The following MTBP variants were observed in gnomAD, a reference collection of about 807,000 sequenced individuals.
MTBP encodes the protein MDM2 binding protein, also known as mdm2-binding protein.
Under a neutral mutation model 117.0 loss-of-function variants are expected in MTBP, and 101 were observed. The ratio of observed to expected loss-of-function variants is 0.86; its 90% confidence interval spans 0.73 to 1.02. The LOEUF (loss-of-function observed/expected upper bound fraction) is 1.02, where lower values mean the gene tolerates loss of function less well. MTBP is among the 50% of genes least tolerant of loss of function. The probability of loss-of-function intolerance (pLI) is 0.00; values close to 1 mark genes in which losing one functional copy is unlikely to be tolerated. For synonymous variants in MTBP, 350 were observed against 351.5 expected, an observed-to-expected ratio of 1.00 and a Z score of 0.05; for missense variants, 970 against 1,030.9, an observed-to-expected ratio of 0.94 and a Z score of 0.81.
chr8:120,519,985 A>G (rs1814987239), intron 20 of MTBP, among the ~76,000 whole-genome samples: 1 of 152,132 alleles, frequency 6.6e-6, no homozygotes, highest in Non-Finnish European at 1.5e-5. Context: ...TGCAGTGGAA[A>G]AGCTAACTGG....
Position 120,523,324 on chromosome 8 carries a change from A to G in MTBP, c.2703A>G (p.Thr901=), listed in dbSNP as rs757432346. The G allele has an allele frequency of 2.1e-5, 32 of 1,553,650 alleles. No individual in the cohort carries two copies. Among genetic ancestry groups the G allele is most frequent in the Non-Finnish European group, 2.7e-5 (31 of 1,141,888 alleles). Residue 901 remains threonine (T), a synonymous_variant, in exon 22 of 22, where the codon ACA becomes ACG. Transcript: ENST00000305949. The part of the protein sequence containing the change: ...VQVIDWVLEK[T]SKK ...TGATTGACTGGGTATTAGAAAAGACAAGCAAGAAATGATACATAATCATTC... is the reference window on the plus strand; with the variant it reads ...TGATTGACTGGGTATTAGAAAAGACGAGCAAGAAATGATACATAATCATTC...
intron 10 of MTBP, among the ~76,000 whole-genome samples, chr8:120,468,100 C>T (rs930556103): frequency 1.3e-5 from 2 of 151,564 alleles, no homozygotes; most frequent in Middle Eastern, 3.2e-3. Flanking sequence ...GATTTAGTGT[C>T]GAGAAAATTA....
At position 120,461,160 on chromosome 8, in the gene MTBP, G is replaced by T. The variant is rs143183029; in HGVS notation, c.883-1G>T. 6.4e-7 allele frequency: 1 copy of T among 1,564,210 alleles called. No homozygotes were observed. Among genetic ancestry groups the T allele is most frequent in the Non-Finnish European group, 8.8e-7 (1 of 1,137,474 alleles). ...TTACACAATTTTAATTTCTTTTCTAGGTTTTCCATTATTATGGCCCTGCTT... is the reference window on the plus strand; with the variant it reads ...TTACACAATTTTAATTTCTTTTCTATGTTTTCCATTATTATGGCCCTGCTT... On this transcript the variant is annotated splice_acceptor_variant, in intron 8 of 21. Transcript: ENST00000305949. LOFTEE classifies it high-confidence loss of function.
chr8:120,465,987 T>G (rs1813680317), intron 10 of MTBP, among the ~76,000 whole-genome samples: 1 of 152,154 alleles, frequency 6.6e-6, no homozygotes, highest in Admixed American at 6.5e-5. Flanking sequence ...TTGTTTTGTT[T>G]TAAATTTGTT....
chr8:120,516,235 T>A (rs753556947), intron 18 of MTBP, 44 bp downstream of exon 18: 8 of 1,444,610 alleles, frequency 5.5e-6, no homozygotes, highest in Non-Finnish European at 7.5e-6. Context: ...ACAGAAAGTA[T>A]TTTAGTCTCG....
chr8:120,515,418 A>G (rs1280952815), intron 17 of MTBP, among the ~76,000 whole-genome samples: 1 of 152,028 alleles, frequency 6.6e-6, no homozygotes, highest in Non-Finnish European at 1.5e-5. Context: ...AAATCTGTCA[A>G]TTAGTTAATA....
At chr8:120,446,542 G>A (rs1334468198) in intron 2 of MTBP, 29 bp downstream of exon 2, 7 of 1,271,200 alleles carry the variant, frequency 5.5e-6, no homozygotes, top group Non-Finnish European at 8.1e-6. Context: ...TCTTTTCTCT[G>A]GCACAGCATT....
At chr8:120,469,924 A>G (rs746058684) in intron 10 of MTBP, among the ~76,000 whole-genome samples, 18 of 152,224 alleles carry the variant, frequency 1.2e-4, no homozygotes, top group Non-Finnish European at 2.5e-4. Flanking sequence ...ACATTAAAAT[A>G]TTAGTGATCA....
chr8:120,464,043 A>G (rs1193118310), intron 10 of MTBP, among the ~76,000 whole-genome samples: 1 of 152,072 alleles, frequency 6.6e-6, no homozygotes, highest in Non-Finnish European at 1.5e-5. Context: ...TTAAAATTTT[A>G]TAACATGTTA....
intron 16 of MTBP, among the ~76,000 whole-genome samples, chr8:120,509,101 T>C (rs1162426789): frequency 6.6e-6 from 1 of 152,202 alleles, no homozygotes; most frequent in Admixed American, 6.5e-5. Flanking sequence ...CCCTCTGATA[T>C]TTAAAAAGTT....
intron 11 of MTBP, among the ~76,000 whole-genome samples, chr8:120,480,669 T>C (rs1179510593): frequency 6.6e-6 from 1 of 152,098 alleles, no homozygotes; most frequent in South Asian, 2.1e-4. Context: ...GAATTGGATA[T>C]GCATATGTAA....
At chr8:120,515,828 A>G (rs1814905704) in intron 17 of MTBP, 97 bp from the exon 18 acceptor site, 5 of 1,123,972 alleles carry the variant, frequency 4.4e-6, no homozygotes, top group Non-Finnish European at 4.9e-6. Context: ...TTAAACAAGA[A>G]CTCTTAAAGT....
intron 10 of MTBP, among the ~76,000 whole-genome samples, chr8:120,469,832 C>A (rs889507303): frequency 6.6e-6 from 1 of 152,122 alleles, no homozygotes; most frequent in Non-Finnish European, 1.5e-5. Flanking sequence ...GTGCAAAAAC[C>A]ACAATTACGT....
In MTBP at chr8:120,450,989, G is replaced by T. The variant is rs1386851155; in HGVS notation, c.200-14G>T. ...GGTATGCCTTTTTAATAATAATGTG[G>T]TTTTATTTTCAAGCCTGTTCAGTGG... is the stretch of plus-strand genomic sequence containing the variant. On this transcript the variant is annotated splice_polypyrimidine_tract_variant and intron_variant, in intron 2 of 21. Coordinates refer to ENST00000305949, the MANE Select transcript of MTBP (RefSeq NM_022045.5). The T allele has an allele frequency of 2.6e-5, 42 of 1,600,690 alleles. 1 individual carries two copies. In the East Asian group the frequency reaches 9.0e-4, roughly 34 times the overall value.
At chr8:120,474,202 A>T (rs1813885358) in intron 11 of MTBP, among the ~76,000 whole-genome samples, 1 of 152,014 alleles carries the variant, frequency 6.6e-6, no homozygotes, top group Admixed American at 6.6e-5. Flanking sequence ...CTTTGAAACC[A>T]GATTGTTGAT....
At chr8:120,488,517 A>G (rs919152221) in intron 12 of MTBP, among the ~76,000 whole-genome samples, 185 bp downstream of exon 12, 3 of 152,212 alleles carry the variant, frequency 2.0e-5, no homozygotes, top group African/African-American at 7.2e-5. Flanking sequence ...TTTAATGTGC[A>G]AAGAGCAAAT....
At chr8:120,505,591 T>A (rs1452833139) in intron 15 of MTBP, among the ~76,000 whole-genome samples, 2 of 152,230 alleles carry the variant, frequency 1.3e-5, no homozygotes, top group Non-Finnish European at 2.9e-5. Context: ...AATGTCAACA[T>A]TTTAATCATG....
intron 7 of MTBP, among the ~76,000 whole-genome samples, chr8:120,457,758 A>G (rs1182339890): frequency 6.6e-6 from 1 of 152,026 alleles, no homozygotes; most frequent in African/African-American, 2.4e-5. Flanking sequence ...CCTCGTCTCT[A>G]CTAAAAATGT....
chr8:120,510,062 T>TCAACAACATACAGAAGA, intron 17 of MTBP, 33 bp downstream of exon 17: 1 of 1,418,896 alleles, frequency 7.0e-7, no homozygotes, highest in Non-Finnish European at 9.9e-7. Flanking sequence ...CTCTTCTGTA[T>TCAACAACATACAGAAGA]GTTGTTGATA....
Sources: gnomAD v4.1 joint callset for allele counts (sites outside exome capture counted in the v4.1 genomes callset) on GRCh38, gnomAD v4.1.1 for gene constraint, MANE v1.5 for transcripts, NCBI Gene and HGNC (gene_info 2026-07-23, HGNC 2026-07-21) for gene names.